GRK5: variants seen among roughly 807,000 people sequenced by gnomAD.
GRK5 encodes the protein G protein-coupled receptor kinase 5.
A neutral mutation model predicts 78.4 loss-of-function variants in GRK5; 40 were observed. The observed-to-expected ratio is 0.51, with a 90% confidence interval of 0.40 to 0.66. The LOEUF (loss-of-function observed/expected upper bound fraction) is 0.66, where lower values mean the gene tolerates loss of function less well. Among genes scored for constraint, GRK5 ranks in the 30% least tolerant of loss-of-function variants. The probability of loss-of-function intolerance (pLI) is 0.00; values close to 1 mark genes in which losing one functional copy is unlikely to be tolerated. For synonymous variants in GRK5, 289 were observed against 296.8 expected (o/e 0.97, Z 0.27); for missense variants, 598 against 759.9 (o/e 0.79, Z 2.50).
In GRK5 at chr10:119,226,140, C is replaced by T. The variant is rs541330119; in HGVS notation, c.52+18171C>T. Among the ~76,000 whole-genome samples the T allele has an allele frequency of 7.9e-5, 12 of 151,992 alleles. No homozygotes were observed. The South Asian group carries it at 1.5e-3, about 18-fold the overall frequency. On this transcript the variant is annotated intron_variant, in intron 1 of 15. Transcript: ENST00000392870. ...GGGATTACAGGCATGAGCCAGCACC[C>T]GGCTAATTTTTGTATTTTTAATAGA...
intron 9 of GRK5, among the ~76,000 whole-genome samples, chr10:119,437,168 C>G (rs1222003658): frequency 6.6e-6 from 1 of 152,250 alleles, no homozygotes; most frequent in Non-Finnish European, 1.5e-5. Context: ...TGCCTCCATC[C>G]CAGCAGCCAG....
intron 1 of GRK5, among the ~76,000 whole-genome samples, chr10:119,292,619 G>A (rs773431815): frequency 1.3e-5 from 2 of 152,210 alleles, no homozygotes; most frequent in Non-Finnish European, 2.9e-5. Context: ...GTTTTTCCTA[G>A]GTGTCTGTGA....
At chr10:119,307,412 T>G (rs553335597) in intron 1 of GRK5, among the ~76,000 whole-genome samples, 2 of 152,264 alleles carry the variant, frequency 1.3e-5, no homozygotes, top group African/African-American at 2.4e-5. Flanking sequence ...GGAGAGGTTA[T>G]CCAGGGATAT....
At chr10:119,424,863 C>T in intron 5 of GRK5, 130 bp from the exon 6 acceptor site, 1 of 687,916 alleles carries the variant, frequency 1.5e-6, no homozygotes, top group Non-Finnish European at 2.7e-6. Context: ...GGACCTCTGG[C>T]CAGACGTGCT....
At chr10:119,221,193 C>T (rs1350725685) in intron 1 of GRK5, among the ~76,000 whole-genome samples, 1 of 152,040 alleles carries the variant, frequency 6.6e-6, no homozygotes, top group Admixed American at 6.6e-5. Flanking sequence ...TGTAAAGCAT[C>T]TCTCTCTGTC....
intron 15 of GRK5, 127 bp downstream of exon 15, chr10:119,453,403 G>A: frequency 9.2e-7 from 1 of 1,084,518 alleles, no homozygotes; most frequent in South Asian, 1.5e-5. Flanking sequence ...GTAGCAGCTT[G>A]GAAGGGCAAC....
At chr10:119,289,260 A>G (rs1420550109) in intron 1 of GRK5, among the ~76,000 whole-genome samples, 1 of 152,078 alleles carries the variant, frequency 6.6e-6, no homozygotes, top group East Asian at 1.9e-4. Context: ...TCCTCCAGAG[A>G]TTCTGGCATG....
chr10:119,250,025 C>T (rs748237131), intron 1 of GRK5, among the ~76,000 whole-genome samples: 5 of 152,150 alleles, frequency 3.3e-5, no homozygotes, highest in Non-Finnish European at 5.9e-5. Context: ...TGGATAGGGA[C>T]TAGGGCTTAG....
intron 3 of GRK5, among the ~76,000 whole-genome samples, chr10:119,394,194 G>GTGT (rs1286594537): frequency 6.7e-6 from 1 of 148,548 alleles, no homozygotes; most frequent in Non-Finnish European, 1.5e-5. Flanking sequence ...GTCTGTGTAT[G>GTGT]GGGGTGTGTA....
intron 1 of GRK5, among the ~76,000 whole-genome samples, chr10:119,315,540 G>T (rs182856004): frequency 3.3e-5 from 5 of 152,288 alleles, no homozygotes; most frequent in African/African-American, 1.2e-4. Context: ...ACAGCTGGCC[G>T]CCTCCACTTT....
At chr10:119,303,776 G>A (rs1850226524) in intron 1 of GRK5, among the ~76,000 whole-genome samples, 1 of 151,974 alleles carries the variant, frequency 6.6e-6, no homozygotes, top group Admixed American at 6.6e-5. Flanking sequence ...CATAGGGAGG[G>A]GGACAGGTAT....
At chr10:119,301,297 T>C (rs527754099) in intron 1 of GRK5, among the ~76,000 whole-genome samples, 1 of 152,212 alleles carries the variant, frequency 6.6e-6, no homozygotes, top group Non-Finnish European at 1.5e-5. Context: ...TGCCTGCCTC[T>C]GAACTCTGGG....
rs1162944343 is a variant in GRK5, at chr10:119,431,209, TG to T, written c.598-175del. On this transcript the variant is annotated intron_variant, in intron 7 of 15. Coordinates refer to ENST00000392870, the MANE Select transcript of GRK5 (RefSeq NM_005308.3). The surrounding 1 kb of genome is among the most constrained non-coding windows in gnomAD (Gnocchi z 4.8). ...GGAGGGCAAGGGCCCAGGACAGCTG[TG>T]GGCCCCAGGCCAGGCATCACTGGGT... is the stretch of plus-strand genomic sequence containing the variant. 3.3e-5 allele frequency among the ~76,000 whole-genome samples: 5 copies of T among 152,218 alleles called. No homozygotes were observed. The East Asian group carries it at 9.7e-4, about 30-fold the overall frequency.
At chr10:119,454,190 C>T (rs1853354322) in intron 15 of GRK5, among the ~76,000 whole-genome samples, 1 of 152,194 alleles carries the variant, frequency 6.6e-6, no homozygotes, top group Non-Finnish European at 1.5e-5. Context: ...AAAGAATGAC[C>T]TCTCCCTCCC....
At chr10:119,241,598 G>A (rs1271070522) in intron 1 of GRK5, among the ~76,000 whole-genome samples, 2 of 152,156 alleles carry the variant, frequency 1.3e-5, no homozygotes, top group East Asian at 3.8e-4. Flanking sequence ...GGGCACATAG[G>A]GGATGTTCAT....
chr10:119,276,670 T>C (rs905569764), intron 1 of GRK5, among the ~76,000 whole-genome samples: 4 of 152,234 alleles, frequency 2.6e-5, no homozygotes, highest in Non-Finnish European at 5.9e-5. Context: ...CCTTAGGAAT[T>C]GCCACACTGA....
At chr10:119,377,413 T>C (rs1012113191) in intron 2 of GRK5, among the ~76,000 whole-genome samples, 5 of 152,220 alleles carry the variant, frequency 3.3e-5, no homozygotes, top group Non-Finnish European at 7.3e-5. Flanking sequence ...TCCATTTCTA[T>C]AGGAACTGTA....
rs536567840 is a variant in GRK5 at position 119,452,207 on chromosome 10, G to A, written c.1405-464G>A. ...GGTGCCTCGTTGTCCCCATTTTGCCGGTAAGGAAACAGGACATAGGCCTCA... is the reference window on the plus strand; with the variant it reads ...GGTGCCTCGTTGTCCCCATTTTGCCAGTAAGGAAACAGGACATAGGCCTCA... On this transcript the variant is annotated intron_variant, in intron 13 of 15. Transcript: ENST00000392870. The surrounding 1 kb of genome is among the most constrained non-coding windows in gnomAD (Gnocchi z 4.4). 2.6e-5 allele frequency among the ~76,000 whole-genome samples: 4 copies of A among 152,324 alleles called. No individual in the cohort carries two copies. The highest frequency in any genetic ancestry group is 3.9e-4 in the East Asian group (2 of 5,190).
At chr10:119,263,419 G>T (rs1474696086) in intron 1 of GRK5, among the ~76,000 whole-genome samples, 1 of 152,088 alleles carries the variant, frequency 6.6e-6, no homozygotes, top group African/African-American at 2.4e-5. Context: ...AATCTCACTT[G>T]TGTGTGTGTG....
Sources: allele counts gnomAD v4.1 joint callset (sites outside exome capture counted in the v4.1 genomes callset), GRCh38; gene constraint gnomAD v4.1.1; non-coding constraint Gnocchi (gnomAD v3.1); transcripts MANE v1.5; gene names NCBI Gene and HGNC (gene_info 2026-07-23, HGNC 2026-07-21).